The following KCNIP4 variants were observed in gnomAD, a reference collection of about 807,000 sequenced individuals.
KCNIP4 encodes Kv channel-interacting protein 4.
Under a neutral mutation model 34.0 loss-of-function variants are expected in KCNIP4, and 12 were observed. That is an observed-to-expected ratio of 0.35 (90% CI 0.23 to 0.57). The LOEUF (loss-of-function observed/expected upper bound fraction) is 0.57. KCNIP4 is among the 20% of genes least tolerant of loss of function. The pLI, the probability that KCNIP4 is intolerant of heterozygous loss-of-function variation, is 0.83. For missense variants in KCNIP4, 238 were observed against 311.7 expected (o/e 0.76, Z 1.78); for synonymous variants, 124 against 102.2 (o/e 1.21, Z -1.29).
intron 1 of KCNIP4, among the ~76,000 whole-genome samples, chr4:21,352,699 G>T (rs1718139833): frequency 6.6e-6 from 1 of 152,214 alleles, no homozygotes; most frequent in Admixed American, 6.5e-5. Context: ...TGTGGACAGG[G>T]CATAGCTGAA....
chr4:20,923,583 G>A (rs879777632), intron 1 of KCNIP4, among the ~76,000 whole-genome samples: 4 of 152,106 alleles, frequency 2.6e-5, no homozygotes, highest in Non-Finnish European at 5.9e-5. Flanking sequence ...ATAATATTTT[G>A]AATGAAGCAA....
At chr4:21,343,218 G>C (rs1162356242) in intron 1 of KCNIP4, among the ~76,000 whole-genome samples, 1 of 152,002 alleles carries the variant, frequency 6.6e-6, no homozygotes, top group Non-Finnish European at 1.5e-5. Context: ...CAGGTCCAAA[G>C]TCAATAAAAA....
At chr4:20,796,620 T>A (rs1255301003) in intron 3 of KCNIP4, among the ~76,000 whole-genome samples, 6 of 141,860 alleles carry the variant, frequency 4.2e-5, no homozygotes, top group African/African-American at 1.3e-4. Flanking sequence ...TTTTTTTTTT[T>A]ACCACTTCCA....
At chr4:21,446,166 G>A (rs1416046248) in intron 1 of KCNIP4, among the ~76,000 whole-genome samples, 1 of 152,090 alleles carries the variant, frequency 6.6e-6, no homozygotes, top group Non-Finnish European at 1.5e-5. Flanking sequence ...ACACTTTTAT[G>A]CTGTTGGTGG....
intron 1 of KCNIP4, among the ~76,000 whole-genome samples, chr4:21,290,340 C>T (rs1197321130): frequency 1.3e-5 from 2 of 151,896 alleles, no homozygotes; most frequent in East Asian, 1.9e-4. Context: ...TGCTTTTCTC[C>T]TCCTGGGAAA....
intron 3 of KCNIP4, among the ~76,000 whole-genome samples, chr4:20,803,762 G>A (rs1328099904): frequency 1.4e-5 from 2 of 146,416 alleles, no homozygotes; most frequent in Admixed American, 6.9e-5. Flanking sequence ...AGGAAAGAAG[G>A]AAGGAAGGAC....
At chr4:21,917,015 C>T (rs1485849953) in intron 1 of KCNIP4, among the ~76,000 whole-genome samples, 1 of 152,204 alleles carries the variant, frequency 6.6e-6, no homozygotes, top group African/African-American at 2.4e-5. Context: ...ATTCATCAAC[C>T]TTGTGGCTTC....
intron 1 of KCNIP4, among the ~76,000 whole-genome samples, chr4:21,030,615 C>G (rs1454687658): frequency 2.6e-5 from 4 of 152,274 alleles, no homozygotes; most frequent in African/African-American, 9.6e-5. Context: ...CCATACCACA[C>G]TGATTGACTT....
chr4:21,639,888 G>A (rs947334372), intron 1 of KCNIP4, among the ~76,000 whole-genome samples: 1 of 152,136 alleles, frequency 6.6e-6, no homozygotes, highest in African/African-American at 2.4e-5. Context: ...ACTTCCATCA[G>A]CCCTACTCTG....
At chr4:20,895,796 G>A (rs1317578343) in intron 1 of KCNIP4, among the ~76,000 whole-genome samples, 2 of 152,164 alleles carry the variant, frequency 1.3e-5, no homozygotes, top group East Asian at 3.9e-4. Flanking sequence ...TCACCAAGGT[G>A]GCTTTAAAAA....
At chr4:20,999,023 A>C (rs1737817484) in intron 1 of KCNIP4, among the ~76,000 whole-genome samples, 1 of 152,222 alleles carries the variant, frequency 6.6e-6, no homozygotes, top group East Asian at 1.9e-4. Context: ...ATTAAATATT[A>C]TAGTGAGAGC....
At chr4:21,865,637 G>A (rs902413635) in intron 1 of KCNIP4, among the ~76,000 whole-genome samples, 6 of 151,564 alleles carry the variant, frequency 4.0e-5, no homozygotes, top group African/African-American at 1.2e-4. Context: ...TCCGCCTCCC[G>A]GGTTCAGTGA....
chr4:20,748,560 TTATATATATATATATATA>T (rs3075750), intron 5 of KCNIP4, among the ~76,000 whole-genome samples: 34 of 64,908 alleles, frequency 5.2e-4, no homozygotes, highest in East Asian at 2.4e-3. Context: ...CTTCCAAATT[TTATATATATATATATATA>T]TATATATATA....
chr4:21,276,569 G>T (rs1466028012), intron 1 of KCNIP4, among the ~76,000 whole-genome samples: 2 of 152,046 alleles, frequency 1.3e-5, no homozygotes, highest in Non-Finnish European at 2.9e-5. Context: ...GCTGACAAGT[G>T]CTTTGAGTTT....
At chr4:21,155,490 G>A (rs1753075202) in intron 1 of KCNIP4, among the ~76,000 whole-genome samples, 1 of 152,180 alleles carries the variant, frequency 6.6e-6, no homozygotes, top group South Asian at 2.1e-4. Flanking sequence ...TTATTCCATT[G>A]ATATGTCAGG....
rs902544785 is a variant in KCNIP4, at chr4:21,075,896, G to A, written c.62-193187C>T. Among the ~76,000 whole-genome samples the A allele has an allele frequency of 4.6e-5, 7 of 152,026 alleles. No homozygotes were observed. In the South Asian group the frequency reaches 6.2e-4, roughly 14 times the overall value. Reference sequence around the variant, plus strand: ...AGGATTTTATTTCTCCTTCACTTACGAAGCTTAGTTTGGCTGGATATGAAA... The same window carrying A: ...AGGATTTTATTTCTCCTTCACTTACAAAGCTTAGTTTGGCTGGATATGAAA... On this transcript the variant is annotated intron_variant, in intron 1 of 8. Transcript: ENST00000382152.
In KCNIP4 at chr4:21,618,630, CTTTTTTT is replaced by C. The variant is rs58967707; in HGVS notation, c.61+329934_61+329940del. Among the ~76,000 whole-genome samples, 5 of 81,788 alleles carry C rather than the reference CTTTTTTT, an allele frequency of 6.1e-5. No homozygotes were observed. In the East Asian group the frequency reaches 1.6e-3, roughly 25 times the overall value. The allele number at this position is 81,788 out of a possible 152,430, so 53.7% of individuals were successfully genotyped here. Reference sequence around the variant, plus strand: ...TTCTTTTCTTTTTCTTTTTCTTTTTCTTTTTTTTTTTTTTTTTTTTGAGAGAGAGTCT... The same window carrying C: ...TTCTTTTCTTTTTCTTTTTCTTTTTCTTTTTTTTTTTTTGAGAGAGAGTCT... On this transcript the variant is annotated intron_variant, in intron 1 of 8. Coordinates refer to ENST00000382152, the MANE Select transcript of KCNIP4 (RefSeq NM_025221.6).
chr4:21,382,627 T>C (rs573266550), intron 1 of KCNIP4, among the ~76,000 whole-genome samples: 12 of 151,996 alleles, frequency 7.9e-5, no homozygotes, highest in Admixed American at 5.2e-4. Flanking sequence ...GATCCCAAGA[T>C]TTAGTAACAT....
intron 1 of KCNIP4, among the ~76,000 whole-genome samples, chr4:21,042,574 C>T (rs1287409674): frequency 6.6e-6 from 1 of 151,966 alleles, no homozygotes; most frequent in Non-Finnish European, 1.5e-5. Flanking sequence ...TCAATGGCTA[C>T]GAAGCTACAA....
Sources: allele counts gnomAD v4.1 joint callset (sites outside exome capture counted in the v4.1 genomes callset), GRCh38; gene constraint gnomAD v4.1.1; transcripts MANE v1.5; gene names NCBI Gene and HGNC (gene_info 2026-07-23, HGNC 2026-07-21).